PTPRN2: variants seen among roughly 807,000 people sequenced by gnomAD.
The protein encoded by PTPRN2 is receptor-type tyrosine-protein phosphatase N2.
A neutral mutation model predicts 118.8 loss-of-function variants in PTPRN2; 74 were observed. That is an observed-to-expected ratio of 0.62 (90% CI 0.52 to 0.76). PTPRN2 has a LOEUF of 0.76. Ranked by LOEUF, PTPRN2 falls within the 30% of genes least tolerant of loss-of-function variation. The pLI is 0.00. For synonymous variants in PTPRN2, 641 were observed against 608.0 expected (o/e 1.05, Z -0.80); for missense variants, 1,481 against 1,394.4 (o/e 1.06, Z -0.99).
At chr7:157,844,542 G>A (rs1016600627) in intron 12 of PTPRN2, among the ~76,000 whole-genome samples, 11 of 152,184 alleles carry the variant, frequency 7.2e-5, no homozygotes, top group East Asian at 5.8e-4. Flanking sequence ...AGGCTGACAC[G>A]GGGACAGGAG....
intron 11 of PTPRN2, among the ~76,000 whole-genome samples, chr7:157,904,965 G>A (rs963705340): frequency 7.9e-5 from 12 of 152,128 alleles, no homozygotes; most frequent in African/African-American, 2.4e-4. Context: ...GGGCACCCCC[G>A]ACACCTCCCG....
chr7:158,097,119 A>T (rs1814686409), intron 10 of PTPRN2, among the ~76,000 whole-genome samples: 1 of 152,172 alleles, frequency 6.6e-6, no homozygotes, highest in African/African-American at 2.4e-5. Context: ...GCATGGGGAC[A>T]AGACTAGGGG....
At chr7:158,245,385 G>A (rs1391616643) in intron 3 of PTPRN2, among the ~76,000 whole-genome samples, 4 of 152,272 alleles carry the variant, frequency 2.6e-5, no homozygotes, top group Non-Finnish European at 5.9e-5. Flanking sequence ...CAGCTTCAGA[G>A]CTGGTCAAAC....
intron 2 of PTPRN2, among the ~76,000 whole-genome samples, chr7:158,394,260 T>G (rs1812161032): frequency 6.6e-6 from 1 of 151,830 alleles, no homozygotes; most frequent in Non-Finnish European, 1.5e-5. Flanking sequence ...CTGGCCCCAC[T>G]CTGTCCCCCA....
rs1301515975 is a variant in PTPRN2, at chr7:157,990,453, C to T, written c.1723+90845G>A. 6.6e-6 allele frequency among the ~76,000 whole-genome samples: 1 copy of T among 152,140 alleles called. No individual in the cohort carries two copies. Among genetic ancestry groups the T allele is most frequent in the Non-Finnish European group, 1.5e-5 (1 of 68,018 alleles). On this transcript the variant is annotated intron_variant, in intron 11 of 22. Transcript: ENST00000389418. This position sits in a 1 kb window ranked among gnomAD's most constrained non-coding sequence, Gnocchi z 4.3. ...GATCCAGGTTCTCCTTCCTTCAGGG[C>T]ACCCCCACCCACCCTCTCCCCAAGG...
At chr7:157,947,888 G>A (rs1383428947) in intron 11 of PTPRN2, among the ~76,000 whole-genome samples, 2 of 152,336 alleles carry the variant, frequency 1.3e-5, no homozygotes, top group East Asian at 3.9e-4. Flanking sequence ...AGGCCTGAAG[G>A]CAGTGGGATG....
At chr7:158,151,509 G>GCCC (rs1478993987) in intron 6 of PTPRN2, among the ~76,000 whole-genome samples, 4 of 20,378 alleles carry the variant, frequency 2.0e-4, no homozygotes, top group African/African-American at 3.2e-4. Context: ...CCGCCTTTCT[G>GCCC]CTCCTCACCG....
intron 14 of PTPRN2, among the ~76,000 whole-genome samples, chr7:157,637,612 C>T (rs1804398606): frequency 6.6e-6 from 1 of 152,188 alleles, no homozygotes; most frequent in South Asian, 2.1e-4. Context: ...CCCATATGGC[C>T]AAAACGGTAT....
chr7:158,290,047 T>C (rs1800015200), intron 3 of PTPRN2, among the ~76,000 whole-genome samples: 1 of 152,120 alleles, frequency 6.6e-6, no homozygotes, highest in Non-Finnish European at 1.5e-5. Context: ...GGGTAGGCCA[T>C]ATACCTGAGT....
intron 12 of PTPRN2, among the ~76,000 whole-genome samples, chr7:157,860,852 G>A (rs1810181504): frequency 6.6e-6 from 1 of 152,272 alleles, no homozygotes; most frequent in South Asian, 2.1e-4. Context: ...GTCAGCTCAG[G>A]CAGCAGCTGG....
chr7:158,538,692 C>A (rs1417172611), intron 1 of PTPRN2, among the ~76,000 whole-genome samples: 1 of 152,180 alleles, frequency 6.6e-6, no homozygotes, highest in South Asian at 2.1e-4. Context: ...ATGCACTGCA[C>A]TACGGACACC....
intron 9 of PTPRN2, among the ~76,000 whole-genome samples, chr7:158,116,180 C>T (rs148318186): frequency 4.6e-5 from 7 of 152,278 alleles, no homozygotes; most frequent in African/African-American, 1.7e-4. Flanking sequence ...ATGTCAAAAA[C>T]AGCAAAAAAT....
chr7:158,353,242 T>A (rs1262073939), intron 2 of PTPRN2, among the ~76,000 whole-genome samples: 2 of 152,190 alleles, frequency 1.3e-5, no homozygotes, highest in African/African-American at 4.8e-5. Flanking sequence ...CACTCTAGCA[T>A]CCCACTGTTT....
chr7:158,473,153 C>T (rs1819992564), intron 2 of PTPRN2, among the ~76,000 whole-genome samples: 1 of 152,186 alleles, frequency 6.6e-6, no homozygotes, highest in Non-Finnish European at 1.5e-5. Context: ...AACTCCTGGT[C>T]GTGGCTGAAC....
intron 21 of PTPRN2, among the ~76,000 whole-genome samples, chr7:157,552,271 T>C (rs1450026297): frequency 1.3e-5 from 2 of 152,168 alleles, no homozygotes; most frequent in African/African-American, 2.4e-5. Flanking sequence ...CATAACTAAA[T>C]AGCTTCCCGA....
At chr7:158,019,420 G>A (rs12536494) in intron 11 of PTPRN2, among the ~76,000 whole-genome samples, 7,706 of 152,370 alleles carry the variant, frequency 0.051, 255 homozygotes, top group Admixed American at 0.085. Context: ...CTTTAAGGGT[G>A]GCTACAAGGA....
At chr7:158,141,203 G>A (rs1400320114) in intron 6 of PTPRN2, among the ~76,000 whole-genome samples, 1 of 152,210 alleles carries the variant, frequency 6.6e-6, no homozygotes, top group Non-Finnish European at 1.5e-5. Flanking sequence ...AGAAGCGGAG[G>A]AATTATTTCT....
chr7:158,463,114 A>G (rs1819121482), intron 2 of PTPRN2, among the ~76,000 whole-genome samples: 1 of 127,688 alleles, frequency 7.8e-6, no homozygotes, highest in Non-Finnish European at 1.7e-5. Context: ...TCAGTCTGGT[A>G]TAGGATCTGG....
At chr7:158,270,096 C>T (rs942906579) in intron 3 of PTPRN2, among the ~76,000 whole-genome samples, 5 of 152,222 alleles carry the variant, frequency 3.3e-5, no homozygotes, top group African/African-American at 1.2e-4. Flanking sequence ...GGAGGGGCTG[C>T]TCACTGTGGA....
Sources: allele counts gnomAD v4.1 joint callset (sites outside exome capture counted in the v4.1 genomes callset), GRCh38; gene constraint gnomAD v4.1.1; non-coding constraint Gnocchi (gnomAD v3.1); transcripts MANE v1.5; gene names NCBI Gene and HGNC (gene_info 2026-07-23, HGNC 2026-07-21).